Variants in CD109 observed in about 807,000 individuals in gnomAD.
The protein encoded by CD109 is CD109 antigen.
In CD109, 149 loss-of-function variants were observed where a neutral mutation model predicts 165.8. The ratio of observed to expected loss-of-function variants is 0.90; its 90% CI spans 0.79 to 1.03. CD109 has a LOEUF of 1.03. CD109 is among the 50% of genes least tolerant of loss of function. CD109 has a pLI of 0.00. For missense variants in CD109, 1,712 were observed against 1,677.8 expected, an observed-to-expected ratio of 1.02 and a Z score of -0.36; for synonymous variants, 585 against 592.1, an observed-to-expected ratio of 0.99 and a Z score of 0.18.
At chr6:73,790,255 C>T (rs556013347) in intron 22 of CD109, among the ~76,000 whole-genome samples, 8 of 151,494 alleles carry the variant, frequency 5.3e-5, no homozygotes, top group South Asian at 2.1e-4. Flanking sequence ...CCACCATGCC[C>T]GGCTAATTTT....
chr6:73,771,451 T>C lies in CD109; in HGVS notation c.1697T>C (p.Val566Ala). The change falls in exon 15 of 33, where the codon GTG becomes GCG. Residue 566 changes from valine (V) to alanine (A), a missense_variant. By Grantham distance (64) the Val-to-Ala change is moderately conservative. Coordinates refer to ENST00000287097, the MANE Select transcript of CD109 (RefSeq NM_133493.5). Reference protein sequence around the residue: ...KNKIKLYWSKVKAEPSEKVSL... With the variant: ...KNKIKLYWSKAKAEPSEKVSL... ...TAGATAAAGCTATATTGGAGTAAAGTGAAAGCTGAACCATCTGAGAAAGTC... is the reference window on the plus strand; with the variant it reads ...TAGATAAAGCTATATTGGAGTAAAGCGAAAGCTGAACCATCTGAGAAAGTC... The C allele has an allele frequency of 6.2e-7, 1 of 1,606,340 alleles. No individual in the cohort carries two copies. Among genetic ancestry groups the C allele is most frequent in the Non-Finnish European group, 8.5e-7 (1 of 1,177,582 alleles).
At position 73,792,627 on chromosome 6, in the gene CD109, A is replaced by G. The variant is rs1562072132; in HGVS notation, c.2703A>G (p.Gly901=). 6.2e-7 allele frequency: 1 copy of G among 1,612,434 alleles called. No individual in the cohort carries two copies. Residue 901 remains glycine, a splice_region_variant and synonymous_variant, in exon 23 of 33, where the codon GGA becomes GGG. Transcript: ENST00000287097. ...GAACTGCATGTCTTGTGCTTCCAGG[A>G]GATGTTCTTGGTCCTTCCATCAATG... ...GSERVQITAI[G]DVLGPSINGL... is the part of the protein sequence containing the mutation.
intron 5 of CD109, among the ~76,000 whole-genome samples, chr6:73,743,653 T>C (rs1582091041): frequency 1.3e-5 from 2 of 152,196 alleles, no homozygotes; most frequent in African/African-American, 4.8e-5. Flanking sequence ...AGCACATCTT[T>C]GTTTGGACAG....
At chr6:73,741,264 T>C (rs1040033629) in intron 5 of CD109, among the ~76,000 whole-genome samples, 3 of 152,186 alleles carry the variant, frequency 2.0e-5, no homozygotes, top group Non-Finnish European at 4.4e-5. Flanking sequence ...GTGTGAATAG[T>C]TCTTTGCTAC....
At chr6:73,689,625 A>AT in the CD109 span, among the ~76,000 whole-genome samples, 1,063 of 146,886 alleles carry the variant, frequency 7.2e-3, 7 homozygotes, top group East Asian at 0.038. Context: ...CTGTAGACAC[A>AT]TTTTTTTTTT....
intron 23 of CD109, among the ~76,000 whole-genome samples, chr6:73,793,969 A>AG (rs1217692268): frequency 2.0e-5 from 3 of 152,234 alleles, no homozygotes; most frequent in Non-Finnish European, 4.4e-5. Flanking sequence ...AATGAAAAGT[A>AG]GGGGCAAGCT....
chr6:73,741,593 G>C (rs75800127), intron 5 of CD109, among the ~76,000 whole-genome samples: 1 of 152,168 alleles, frequency 6.6e-6, no homozygotes, highest in Non-Finnish European at 1.5e-5. Context: ...TAGTTCTCTA[G>C]GTACCTTATC....
intron 2 of CD109, among the ~76,000 whole-genome samples, chr6:73,718,549 CATTG>C (rs1771829959): frequency 6.6e-6 from 1 of 151,676 alleles, no homozygotes; most frequent in Non-Finnish European, 1.5e-5. Context: ...TGATGTATCA[CATTG>C]ATTGATGTGC....
intron 18 of CD109, 113 bp from the exon 19 acceptor site, chr6:73,783,593 TA>T: frequency 1.5e-6 from 1 of 681,080 alleles, no homozygotes; most frequent in South Asian, 1.8e-5. Context: ...TTCAGATATG[TA>T]AACAATAGGA....
chr6:73,697,487 A>T lies in CD109; in HGVS notation c.162A>T (p.Ser54=), dbSNP rs1477954421. 6.2e-7 allele frequency: 1 copy of T among 1,614,138 alleles called. No homozygotes were observed. Among genetic ancestry groups the T allele is most frequent in the African/African-American group, 1.3e-5 (1 of 75,048 alleles). The change falls in exon 2 of 33, where the codon TCA becomes TCT. Residue 54 remains serine, a synonymous_variant. Coordinates refer to ENST00000287097, the MANE Select transcript of CD109 (RefSeq NM_133493.5). ...IGVELLEHCP[S]QVTVKAELLK... ...TGGAGCTTCTGGAACACTGCCCTTC[A>T]CAGGTGACTGTGAAGGCGGAGCTGC...
the CD109 span, among the ~76,000 whole-genome samples, chr6:73,682,277 T>C: frequency 6.6e-6 from 1 of 152,152 alleles, no homozygotes; most frequent in Non-Finnish European, 1.5e-5. Flanking sequence ...GGTACAGGCA[T>C]TGGGTAAATA....
At chr6:73,705,476 C>T (rs1771231494) in intron 2 of CD109, among the ~76,000 whole-genome samples, 1 of 151,188 alleles carries the variant, frequency 6.6e-6, no homozygotes, top group Non-Finnish European at 1.5e-5. Context: ...CTCATCTCTA[C>T]TAAAAATAAA....
In CD109 at chr6:73,725,908, T is replaced by C. The variant is rs554041028; in HGVS notation, c.276+2629T>C. ...ATGTCATTTCAATTGTATATAAATA[T>C]AGCTATTATCTATTGAAAGCTTTAT... On this transcript the variant is annotated intron_variant, in intron 3 of 32. Transcript: ENST00000287097. 5.9e-5 allele frequency among the ~76,000 whole-genome samples: 9 copies of C among 152,364 alleles called. No homozygotes were observed. In the East Asian group the frequency reaches 1.5e-3, roughly 26 times the overall value.
intron 2 of CD109, among the ~76,000 whole-genome samples, chr6:73,700,280 C>G (rs972320912): frequency 1.3e-5 from 2 of 150,068 alleles, no homozygotes; most frequent in African/African-American, 4.9e-5. Flanking sequence ...GAGATGGGGT[C>G]TTGCTATGTT....
At chr6:73,721,366 C>CTT (rs200895014) in intron 2 of CD109, among the ~76,000 whole-genome samples, 5 of 138,736 alleles carry the variant, frequency 3.6e-5, no homozygotes, top group South Asian at 2.3e-4. Flanking sequence ...ATTTTTATTT[C>CTT]TTTTTTTTTT....
At chr6:73,691,775 CTCAT>C (rs1770696341), upstream of CD109, among the ~76,000 whole-genome samples, 1 of 152,174 alleles carries the variant, frequency 6.6e-6, no homozygotes, top group African/African-American at 2.4e-5. Context: ...GTCTGTCTCA[CTCAT>C]AGTGGTTCTG....
At chr6:73,746,635 T>A (rs1235507272) in intron 5 of CD109, among the ~76,000 whole-genome samples, 1 of 152,196 alleles carries the variant, frequency 6.6e-6, no homozygotes, top group African/African-American at 2.4e-5. Context: ...TCCCTTGTAC[T>A]GCATAATGTA....
the CD109 span, among the ~76,000 whole-genome samples, chr6:73,683,161 T>C: frequency 2.0e-5 from 3 of 152,216 alleles, no homozygotes; most frequent in South Asian, 6.2e-4. Context: ...TCTATTGCAT[T>C]GTCAGGCTGC....
intron 23 of CD109, among the ~76,000 whole-genome samples, chr6:73,802,289 G>GTGTGTGTGTATA (rs71542231): frequency 7.7e-5 from 6 of 78,200 alleles, no homozygotes; most frequent in Non-Finnish European, 1.4e-4. Flanking sequence ...GTGTGTGTGT[G>GTGTGTGTGTATA]TATATATATA....
Sources: allele counts gnomAD v4.1 joint callset (sites outside exome capture counted in the v4.1 genomes callset), GRCh38; gene constraint gnomAD v4.1.1; transcripts MANE v1.5; gene names NCBI Gene and HGNC (gene_info 2026-07-23, HGNC 2026-07-21).